Variants in CCDC88A observed in about 807,000 individuals in gnomAD.
CCDC88A encodes coiled-coil and HOOK domain protein 88A.
In CCDC88A, 54 loss-of-function variants were observed where a neutral mutation model predicts 234.3. That is an observed-to-expected ratio of 0.23 (90% CI 0.19 to 0.29). CCDC88A has a LOEUF of 0.29. Ranked by LOEUF, CCDC88A falls within the 10% of genes least tolerant of loss-of-function variation. The probability of loss-of-function intolerance (pLI) is 1.00; values close to 1 mark genes in which losing one functional copy is unlikely to be tolerated. For synonymous variants in CCDC88A, 753 were observed against 737.8 expected (o/e 1.02, Z -0.33); for missense variants, 1,832 against 2,123.4 (o/e 0.86, Z 2.70).
At chr2:55,323,054 G>C (rs2104646000) in intron 17 of CCDC88A, 1 of 157,874 alleles carries the variant, frequency 6.3e-6, no homozygotes, top group East Asian at 1.8e-4. Context: ...ACAAAGATTT[G>C]ACACTTTATT....
At chr2:55,299,967 A>T in intron 28 of CCDC88A, 48 bp from the exon 29 acceptor site, 1 of 1,296,172 alleles carries the variant, frequency 7.7e-7, no homozygotes, top group Non-Finnish European at 1.1e-6. Context: ...CTAGCTGATG[A>T]TGCTGATGAG....
intron 2 of CCDC88A, among the ~76,000 whole-genome samples, chr2:55,407,719 ATT>A (rs750235181): frequency 4.3e-5 from 6 of 138,480 alleles, no homozygotes; most frequent in Non-Finnish European, 3.1e-5. Flanking sequence ...TTCTAGTTTA[ATT>A]TTTTTTTTTT....
At position 55,289,287 on chromosome 2, in the gene CCDC88A, G is replaced by C. The variant is rs529240313; in HGVS notation, c.*1913C>G. On this transcript the variant is annotated 3_prime_UTR_variant, in exon 33 of 33. Transcript: ENST00000436346. ...TTCTAGTTGTGCAAATTAGATGCTA[G>C]CTAATATAAATCTAAGTTACCCACT... 1 of 152,660 alleles carries C rather than the reference G, an allele frequency of 6.6e-6. No individual in the cohort carries two copies. The highest frequency in any genetic ancestry group is 2.4e-5 in the African/African-American group (1 of 41,542). The allele number at this position is 152,660 out of a possible 1,614,324, so 9.5% of individuals were successfully genotyped here.
intron 29 of CCDC88A, among the ~76,000 whole-genome samples, chr2:55,298,765 C>A (rs750097538): frequency 6.7e-6 from 1 of 149,402 alleles, no homozygotes; most frequent in East Asian, 2.0e-4. Context: ...GTCCCAGTTA[C>A]GTGGGAGGCT....
Position 55,301,997 on chromosome 2 carries a change from T to A in CCDC88A, c.4547A>T (p.Asp1516Val). Residue 1516 changes from aspartate to valine, a missense_variant, in exon 27 of 33, where the codon GAT (aspartate) becomes GTT (valine). Asp to Val is a radical substitution (Grantham distance 152). Around this residue, in one of 6 missense-constraint regions of CCDC88A, gnomAD observed 422 missense variants for 416.5 expected, o/e 1.01. Transcript: ENST00000436346. ...TGSTENLEVPDDISTGKRRKE... is the reference protein window; with the variant it reads ...TGSTENLEVPVDISTGKRRKE... Reference sequence around the variant, plus strand: ...TCTCCTTTTACCCGTTGAAATATCATCAGGAACCTCCAAATTCTCAGTACT... The same window carrying A: ...TCTCCTTTTACCCGTTGAAATATCAACAGGAACCTCCAAATTCTCAGTACT... The A allele has an allele frequency of 6.2e-7, 1 of 1,614,070 alleles. No individual in the cohort carries two copies. The highest frequency in any genetic ancestry group is 1.6e-4 in the Middle Eastern group (1 of 6,062).
At chr2:55,409,021 C>T (rs1242858611) in intron 2 of CCDC88A, among the ~76,000 whole-genome samples, 4 of 152,148 alleles carry the variant, frequency 2.6e-5, no homozygotes, top group Admixed American at 6.5e-5. Context: ...CAGGTATTTT[C>T]GTCAGTTTCT....
At chr2:55,400,698 T>C (rs1182537316) in intron 2 of CCDC88A, among the ~76,000 whole-genome samples, 1 of 152,184 alleles carries the variant, frequency 6.6e-6, no homozygotes, top group Non-Finnish European at 1.5e-5. Flanking sequence ...AACTAATATA[T>C]ATAAGAAACA....
At chr2:55,340,305 G>A (rs1668318699) in intron 12 of CCDC88A, 1 of 152,176 alleles carries the variant, frequency 6.6e-6, no homozygotes, top group Non-Finnish European at 1.5e-5. Flanking sequence ...AGGTACTGGA[G>A]AGAATTTCCG....
chr2:55,410,855 T>G (rs957953351), intron 2 of CCDC88A, among the ~76,000 whole-genome samples: 1 of 151,088 alleles, frequency 6.6e-6, no homozygotes, highest in Non-Finnish European at 1.5e-5. Context: ...ATCTCGCCAC[T>G]GCATTCCAGT....
intron 13 of CCDC88A, among the ~76,000 whole-genome samples, chr2:55,337,866 G>GATAATA (rs903014258): frequency 2.6e-5 from 4 of 151,410 alleles, no homozygotes; most frequent in African/African-American, 7.3e-5. Flanking sequence ...TAATAATGAT[G>GATAATA]ATAATAATAA....
At chr2:55,405,928 G>A (rs1679479174) in intron 2 of CCDC88A, 1 of 152,238 alleles carries the variant, frequency 6.6e-6, no homozygotes, top group African/African-American at 2.4e-5. Flanking sequence ...GTGAGGCTGA[G>A]GCGGTTGGAT....
intron 5 of CCDC88A, among the ~76,000 whole-genome samples, chr2:55,369,479 T>C (rs1031708986): frequency 6.8e-6 from 1 of 146,466 alleles, no homozygotes; most frequent in African/African-American, 2.5e-5. Context: ...TGAGATGAAG[T>C]CTTGCTCTGT....
At chr2:55,416,053 A>C (rs1681325202) in intron 2 of CCDC88A, among the ~76,000 whole-genome samples, 1 of 152,154 alleles carries the variant, frequency 6.6e-6, no homozygotes. Context: ...AGAAATATCA[A>C]TCAACCGAAA....
intron 25 of CCDC88A, 58 bp from the exon 26 acceptor site, chr2:55,303,210 A>G: frequency 1.0e-6 from 1 of 989,218 alleles, no homozygotes; most frequent in Non-Finnish European, 1.6e-6. Context: ...AAAAAGGGAG[A>G]AGAACAGATG....
At chr2:55,293,824 G>A (rs1337398675) in intron 31 of CCDC88A, 3 of 151,886 alleles carry the variant, frequency 2.0e-5, no homozygotes, top group Admixed American at 6.6e-5. Context: ...GGGAGTTAGA[G>A]ATTCAAATTT....
chr2:55,305,737 C>T (rs1368273805), intron 25 of CCDC88A, among the ~76,000 whole-genome samples: 1 of 152,008 alleles, frequency 6.6e-6, no homozygotes, highest in Non-Finnish European at 1.5e-5. Flanking sequence ...TTCCTGTAGT[C>T]CCAGCTATTT....
At chr2:55,385,063 A>C (rs1675365256) in intron 3 of CCDC88A, among the ~76,000 whole-genome samples, 1 of 152,082 alleles carries the variant, frequency 6.6e-6, no homozygotes, top group Admixed American at 6.6e-5. Context: ...GGCACAGATA[A>C]AGTCCCCCCA....
At position 55,317,845 on chromosome 2, in the gene CCDC88A, T is replaced by C. The variant is rs1302945680; in HGVS notation, c.3325-4A>G. 6.3e-7 allele frequency: 1 copy of C among 1,579,904 alleles called. No individual in the cohort carries two copies. Among genetic ancestry groups the C allele is most frequent in the Admixed American group, 1.7e-5 (1 of 57,714 alleles). ...AATTAAGGGTGGAATTTTCAACCTA[T>C]AAGAATATATATTGTTATCAGACAT... is the stretch of plus-strand genomic sequence containing the variant. On this transcript the variant is annotated splice_polypyrimidine_tract_variant and splice_region_variant and intron_variant, in intron 19 of 32. Transcript: ENST00000436346. The surrounding 1 kb of genome is among the most constrained non-coding windows in gnomAD (Gnocchi z 4.2).
intron 3 of CCDC88A, among the ~76,000 whole-genome samples, chr2:55,386,222 CAA>C (rs11333871): frequency 1.9e-3 from 270 of 145,194 alleles, no homozygotes; most frequent in African/African-American, 3.9e-3. Flanking sequence ...AACTCCGTCT[CAA>C]AAAAAAAAAA....
Sources: allele counts gnomAD v4.1 joint callset (sites outside exome capture counted in the v4.1 genomes callset), GRCh38; gene constraint gnomAD v4.1.1; regional missense constraint gnomAD v4.1.1; non-coding constraint Gnocchi (gnomAD v3.1); transcripts MANE v1.5; gene names NCBI Gene and HGNC (gene_info 2026-07-23, HGNC 2026-07-21).